Variants in RPTOR observed in about 807,000 individuals in gnomAD.
RPTOR encodes the protein regulatory associated protein of MTOR complex 1, also known as regulatory-associated protein of mTOR.
A neutral mutation model predicts 169.9 loss-of-function variants in RPTOR; 21 were observed. The observed-to-expected ratio is 0.12, with a 90% CI of 0.09 to 0.18. RPTOR has a LOEUF of 0.18. Ranked by LOEUF, RPTOR falls within the 10% of genes least tolerant of loss-of-function variation. RPTOR has a pLI of 1.00. For synonymous variants in RPTOR, 732 were observed against 753.2 expected, an observed-to-expected ratio of 0.97 and a Z score of 0.46; for missense variants, 1,133 against 1,855.9, an observed-to-expected ratio of 0.61 and a Z score of 7.16.
intron 2 of RPTOR, among the ~76,000 whole-genome samples, chr17:80,634,643 ATACTGTATGTGCGTACTGTGTGTGTGCG>A (rs2065484992): frequency 1.9e-5 from 1 of 51,782 alleles, no homozygotes; most frequent in African/African-American, 7.9e-5. Context: ...GTGTGTGTGC[ATACTGTATGTGCGTACTGTGTGTGTGCG>A]TACTGTGTGT....
intron 3 of RPTOR, among the ~76,000 whole-genome samples, chr17:80,656,498 A>G (rs1259452077): frequency 6.6e-6 from 1 of 152,266 alleles, no homozygotes. Flanking sequence ...CTTGGGGCAG[A>G]TGCAGAATGG....
chr17:80,685,333 T>C (rs2065931739), intron 3 of RPTOR, among the ~76,000 whole-genome samples: 1 of 152,032 alleles, frequency 6.6e-6, no homozygotes, highest in African/African-American at 2.4e-5. Flanking sequence ...TGGAGTGCAG[T>C]GGTGTGATCT....
chr17:80,931,907 G>T (rs1266239524), intron 24 of RPTOR, among the ~76,000 whole-genome samples: 4 of 150,636 alleles, frequency 2.7e-5, no homozygotes, highest in African/African-American at 9.7e-5. Flanking sequence ...AGCCCCCCAA[G>T]GTGCAGACAC....
At chr17:80,661,643 CTTG>C (rs995106166) in intron 3 of RPTOR, among the ~76,000 whole-genome samples, 2 of 152,156 alleles carry the variant, frequency 1.3e-5, no homozygotes, top group African/African-American at 2.4e-5. Flanking sequence ...CTATGCACAT[CTTG>C]TTAAGTTTCT....
At chr17:80,824,262 TTCTTAAGAC>T (rs1317064792) in intron 9 of RPTOR, among the ~76,000 whole-genome samples, 1 of 152,256 alleles carries the variant, frequency 6.6e-6, no homozygotes, top group Non-Finnish European at 1.5e-5. Context: ...ATCTGTATCC[TTCTTAAGAC>T]TCTGTAAGAT....
In RPTOR at chr17:80,924,802, A is replaced by G. The variant is rs540804110; in HGVS notation, c.2809-568A>G. On this transcript the variant is annotated intron_variant, in intron 23 of 33. Coordinates refer to ENST00000306801, the MANE Select transcript of RPTOR (RefSeq NM_020761.3). ...GACCCCTGGTGCCCAGCCTCACTCC[A>G]CAAGCACACACAGACTCTGACAGCC... Among the ~76,000 whole-genome samples, 4 of 152,298 alleles carry G rather than the reference A, an allele frequency of 2.6e-5. No homozygotes were observed. In the East Asian group the frequency reaches 7.7e-4, roughly 29 times the overall value.
chr17:80,937,547 T>C (rs972220054), intron 24 of RPTOR, among the ~76,000 whole-genome samples: 3 of 152,210 alleles, frequency 2.0e-5, no homozygotes, highest in Admixed American at 6.5e-5. Flanking sequence ...GGTTTCTGTC[T>C]GAGTGGAAGC....
chr17:80,963,000 C>G lies in RPTOR; in HGVS notation c.3882C>G (p.Asp1294Glu). The G allele has an allele frequency of 6.2e-7, 1 of 1,610,198 alleles. No individual in the cohort carries two copies. The highest frequency in any genetic ancestry group is 8.5e-7 in the Non-Finnish European group (1 of 1,177,986). ...TCATCAACAACATCAAGTACTACGA[C>G]GGCTTCATGGGCCAGCGGGTCGGCG... Reference protein sequence around the residue: ...GELINNIKYYDGFMGQRVGAI... With the variant: ...GELINNIKYYEGFMGQRVGAI... Residue 1294 changes from aspartate to glutamate, a missense_variant, in exon 33 of 34, where the codon GAC becomes GAG. Transcript: ENST00000306801.
At chr17:80,685,216 T>C (rs564454618) in intron 3 of RPTOR, among the ~76,000 whole-genome samples, 2 of 106,754 alleles carry the variant, frequency 1.9e-5, no homozygotes, top group Admixed American at 8.3e-5. Flanking sequence ...GCGTTTTCAG[T>C]GTATGCCAGT....
At chr17:80,822,545 G>T (rs146882917) in intron 8 of RPTOR, among the ~76,000 whole-genome samples, 1 of 152,208 alleles carries the variant, frequency 6.6e-6, no homozygotes, top group East Asian at 1.9e-4. Context: ...GGCCCTGACC[G>T]GTGCACAGCC....
rs901830764 is a variant in RPTOR, at chr17:80,845,449, C to A, written c.1213-1024C>A. On this transcript the variant is annotated intron_variant, in intron 10 of 33. Transcript: ENST00000306801. This position sits in a 1 kb window ranked among gnomAD's most constrained non-coding sequence, Gnocchi z 5.4. ...TCACTGAGGAAACAAGAAGCAGTCG[C>A]ATGACCGCCTCTGCCGGGTCCTCCA... Among the ~76,000 whole-genome samples, 1 of 152,142 alleles carries A rather than the reference C, an allele frequency of 6.6e-6. No homozygotes were observed. Among genetic ancestry groups the A allele is most frequent in the Admixed American group, 6.5e-5 (1 of 15,274 alleles).
intron 6 of RPTOR, among the ~76,000 whole-genome samples, chr17:80,783,221 C>A (rs2066958741): frequency 1.3e-5 from 2 of 152,192 alleles, no homozygotes. Flanking sequence ...CCCGACTTGA[C>A]TCATCAATGT....
At chr17:80,896,384 CTCGCTG>C in intron 20 of RPTOR, among the ~76,000 whole-genome samples, 4 of 34,172 alleles carry the variant, frequency 1.2e-4, no homozygotes, top group African/African-American at 1.3e-4. Flanking sequence ...CCCACGCGGC[CTCGCTG>C]ACACCCCACG....
At chr17:80,923,205 C>T (rs1036009182) in intron 22 of RPTOR, among the ~76,000 whole-genome samples, 23 of 152,258 alleles carry the variant, frequency 1.5e-4, no homozygotes, top group Non-Finnish European at 2.1e-4. Flanking sequence ...CACATCCCGG[C>T]CCACTCGACT....
intron 18 of RPTOR, 124 bp downstream of exon 18, chr17:80,891,961 G>C (rs1030670030): frequency 1.7e-6 from 1 of 581,926 alleles, no homozygotes; most frequent in African/African-American, 1.9e-5. Flanking sequence ...CTGCCGCAAG[G>C]GGTCCCTGTT....
At chr17:80,741,767 C>T (rs4889786) in intron 5 of RPTOR, among the ~76,000 whole-genome samples, 44,825 of 152,026 alleles carry the variant, frequency 0.29, 8,161 homozygotes, top group East Asian at 0.5. Flanking sequence ...GCTGAAGCCA[C>T]GGGATGGTGA....
intron 4 of RPTOR, among the ~76,000 whole-genome samples, chr17:80,725,803 G>A (rs558390903): frequency 6.6e-6 from 1 of 152,160 alleles, no homozygotes; most frequent in African/African-American, 2.4e-5. Flanking sequence ...TAATAGAGTT[G>A]GTTTTATATT....
At chr17:80,674,204 C>G (rs902603149) in intron 3 of RPTOR, among the ~76,000 whole-genome samples, 8 of 152,228 alleles carry the variant, frequency 5.3e-5, no homozygotes, top group African/African-American at 1.9e-4. Context: ...CTTACTGTCT[C>G]AAACTAGATC....
intron 4 of RPTOR, among the ~76,000 whole-genome samples, chr17:80,712,965 T>G (rs1215310964): frequency 1.3e-5 from 2 of 152,252 alleles, no homozygotes. Context: ...ATATCTTCTT[T>G]GATGAGGTAT....
Sources: allele counts gnomAD v4.1 joint callset (sites outside exome capture counted in the v4.1 genomes callset), GRCh38; gene constraint gnomAD v4.1.1; non-coding constraint Gnocchi (gnomAD v3.1); transcripts MANE v1.5; gene names NCBI Gene and HGNC (gene_info 2026-07-23, HGNC 2026-07-21).